The following PDZRN4 variants were observed in gnomAD, a reference collection of about 807,000 sequenced individuals.
PDZRN4 encodes the protein PDZ domain containing ring finger 4, also known as PDZ domain-containing RING finger protein 4.
Under a neutral mutation model 99.0 loss-of-function variants are expected in PDZRN4, and 70 were observed. The ratio of observed to expected loss-of-function variants is 0.71; its 90% CI spans 0.58 to 0.86. PDZRN4 has a LOEUF of 0.86. Ranked by LOEUF, PDZRN4 falls within the 40% of genes least tolerant of loss-of-function variation. PDZRN4 has a pLI of 0.00. For missense variants in PDZRN4, 1,474 were observed against 1,331.2 expected (o/e 1.11, Z -1.67); for synonymous variants, 551 against 501.6 (o/e 1.10, Z -1.32).
Position 41,196,799 on chromosome 12 carries a change from T to C in PDZRN4, c.843+2611T>C, listed in dbSNP as rs187220020. On this transcript the variant is annotated intron_variant, in intron 3 of 9. Transcript: ENST00000402685. ...TCAATTTAAAATGTGCAGATGCATA[T>C]TTTAAAACAGATTTTTAAAGTAAAG... 4.9e-4 allele frequency among the ~76,000 whole-genome samples: 74 copies of C among 152,228 alleles called. 1 individual carries two copies. The highest frequency in any genetic ancestry group is 1.3e-3 in the Admixed American group (20 of 15,296).
At chr12:41,512,745 T>C (rs1320040538) in intron 5 of PDZRN4, among the ~76,000 whole-genome samples, 1 of 152,054 alleles carries the variant, frequency 6.6e-6, no homozygotes, top group East Asian at 1.9e-4. Flanking sequence ...GTATTGGACC[T>C]GGGCGGTGAT....
At chr12:41,288,045 G>A (rs1350205941) in intron 3 of PDZRN4, among the ~76,000 whole-genome samples, 1 of 152,138 alleles carries the variant, frequency 6.6e-6, no homozygotes, top group African/African-American at 2.4e-5. Context: ...CTGCTGCAAC[G>A]TGATGTATTG....
intron 3 of PDZRN4, among the ~76,000 whole-genome samples, chr12:41,434,217 G>A (rs907511032): frequency 6.6e-6 from 1 of 152,084 alleles, no homozygotes; most frequent in Non-Finnish European, 1.5e-5. Context: ...ACCTGTCTAT[G>A]TAGTGTTGCT....
intron 1 of PDZRN4, 98 bp downstream of exon 1, chr12:41,189,201 C>A: frequency 1.7e-6 from 2 of 1,148,518 alleles, no homozygotes; most frequent in Non-Finnish European, 2.5e-6. Context: ...AATTGGGCAT[C>A]CTTCCTCACT....
chr12:41,206,352 TGTG>T (rs1310264390), intron 3 of PDZRN4, among the ~76,000 whole-genome samples: 2 of 151,876 alleles, frequency 1.3e-5, no homozygotes, highest in Admixed American at 6.6e-5. Context: ...GACTTGGTAT[TGTG>T]TGTTTTTTTA....
At chr12:41,380,096 C>T (rs1254755073) in intron 3 of PDZRN4, among the ~76,000 whole-genome samples, 1 of 151,858 alleles carries the variant, frequency 6.6e-6, no homozygotes, top group Non-Finnish European at 1.5e-5. Flanking sequence ...TATATATTTA[C>T]CTTCTTTGTC....
intron 3 of PDZRN4, among the ~76,000 whole-genome samples, chr12:41,205,743 G>A (rs901109599): frequency 2.0e-5 from 3 of 151,658 alleles, no homozygotes; most frequent in Non-Finnish European, 4.4e-5. Context: ...TTCTTTTTAA[G>A]GTAAATGTTT....
At chr12:41,198,436 C>T (rs1158358062) in intron 3 of PDZRN4, among the ~76,000 whole-genome samples, 1 of 152,126 alleles carries the variant, frequency 6.6e-6, no homozygotes, top group Non-Finnish European at 1.5e-5. Context: ...TCTGTGGAAT[C>T]TTTGAGATGA....
At chr12:41,467,121 T>C (rs183075689) in intron 3 of PDZRN4, among the ~76,000 whole-genome samples, 2 of 152,364 alleles carry the variant, frequency 1.3e-5, no homozygotes, top group Non-Finnish European at 2.9e-5. Context: ...TCGCTCCTGA[T>C]GGGATCATGG....
rs568237230 is a variant in PDZRN4 at position 41,573,979 on chromosome 12, A to G, written c.*89A>G. ...TTGCCTCGTTCAATGTGGCGTTTTT[A>G]TATATATTTTGTGACTCTTTATAGT... On this transcript the variant is annotated 3_prime_UTR_variant, in exon 10 of 10. Coordinates refer to ENST00000402685, the MANE Select transcript of PDZRN4 (RefSeq NM_001164595.2). 2.2e-6 allele frequency: 2 copies of G among 921,922 alleles called. No individual in the cohort carries two copies. The highest frequency in any genetic ancestry group is 2.7e-5 in the South Asian group (1 of 36,790). The allele number at this position is 921,922 out of a possible 1,614,324, so 57.1% of individuals were successfully genotyped here. A position where few individuals can be genotyped will look rare whatever the true frequency, so the allele number is the denominator to read the frequency against.
intron 5 of PDZRN4, 137 bp downstream of exon 5, chr12:41,510,050 A>AT (rs1167680598): frequency 4.3e-6 from 2 of 463,606 alleles, no homozygotes; most frequent in Non-Finnish European, 7.7e-6. Context: ...TTCAAATACT[A>AT]TTTGCTTTAG....
rs546119724 is a variant in PDZRN4, at chr12:41,572,487, C to A, written c.1708C>A (p.Gln570Lys). 3 of 1,614,056 alleles carry A rather than the reference C, an allele frequency of 1.9e-6. No individual in the cohort carries two copies. In the African/African-American group the frequency reaches 4.0e-5, roughly 22 times the overall value. ...CTTGCGAAATGATGAGAGCTCAGAG[C>A]AGGAGAATGCAGCCGAGGACCCCAA... is the stretch of plus-strand genomic sequence containing the variant. ...ESLRNDESSE[Q>K]ENAAEDPNST... Residue 570 changes from glutamine to lysine, a missense_variant, in exon 10 of 10, where the codon CAG becomes AAG. Coordinates refer to ENST00000402685, the MANE Select transcript of PDZRN4 (RefSeq NM_001164595.2).
rs1482944536 is a variant in PDZRN4, at chr12:41,466,934, G to T, written c.844-39522G>T. ...AGTGACTTGGCAGGTCATTCCCAGT[G>T]CACGCTGCTTCGCCTGATAAGGATA... On this transcript the variant is annotated intron_variant, in intron 3 of 9. Coordinates refer to ENST00000402685, the MANE Select transcript of PDZRN4 (RefSeq NM_001164595.2). 2.6e-5 allele frequency among the ~76,000 whole-genome samples: 4 copies of T among 152,220 alleles called. No homozygotes were observed. In the East Asian group the frequency reaches 7.7e-4, roughly 29 times the overall value.
intron 4 of PDZRN4, among the ~76,000 whole-genome samples, chr12:41,507,064 C>A (rs993956805): frequency 4.6e-5 from 7 of 152,132 alleles, no homozygotes; most frequent in African/African-American, 1.7e-4. Flanking sequence ...CTGCCAAAAA[C>A]CTTATTAAGA....
At chr12:41,291,522 A>G (rs1222489045) in intron 3 of PDZRN4, among the ~76,000 whole-genome samples, 1 of 152,206 alleles carries the variant, frequency 6.6e-6, no homozygotes, top group Non-Finnish European at 1.5e-5. Context: ...GAAAGTACTC[A>G]ATAAATATTA....
intron 3 of PDZRN4, among the ~76,000 whole-genome samples, chr12:41,425,954 G>A (rs934084579): frequency 1.3e-5 from 2 of 152,162 alleles, no homozygotes; most frequent in African/African-American, 4.8e-5. Flanking sequence ...CCTGTCTGGA[G>A]CTTAGTTGCT....
chr12:41,428,011 C>T (rs1449885768), intron 3 of PDZRN4, among the ~76,000 whole-genome samples: 2 of 152,076 alleles, frequency 1.3e-5, no homozygotes, highest in Non-Finnish European at 2.9e-5. Flanking sequence ...TCGGTTGAAC[C>T]CGGGAGGCAG....
intron 3 of PDZRN4, chr12:41,477,876 T>A: frequency 6.5e-7 from 1 of 1,548,900 alleles, no homozygotes; most frequent in Non-Finnish European, 8.7e-7. Context: ...TAAGAGACAA[T>A]TTTTCCTTAA....
At chr12:41,357,619 T>C (rs992235671) in intron 3 of PDZRN4, among the ~76,000 whole-genome samples, 2 of 152,018 alleles carry the variant, frequency 1.3e-5, no homozygotes, top group East Asian at 3.9e-4. Context: ...AATTCCTACA[T>C]TCATGGGCTT....
Sources: allele counts gnomAD v4.1 joint callset (sites outside exome capture counted in the v4.1 genomes callset), GRCh38; gene constraint gnomAD v4.1.1; transcripts MANE v1.5; gene names NCBI Gene and HGNC (gene_info 2026-07-23, HGNC 2026-07-21).